Variants in VAV1 observed in about 807,000 individuals in gnomAD.
The protein encoded by VAV1 is vav guanine nucleotide exchange factor 1.
Under a neutral mutation model 128.1 loss-of-function variants are expected in VAV1, and 33 were observed. That is an observed-to-expected ratio of 0.26 (90% CI 0.20 to 0.34). VAV1 has a LOEUF of 0.34. VAV1 is among the 10% of genes least tolerant of loss of function. The probability of loss-of-function intolerance (pLI) is 1.00; values close to 1 mark genes in which losing one functional copy is unlikely to be tolerated. For missense variants in VAV1, 715 were observed against 1,093.7 expected (o/e 0.65, Z 4.88); for synonymous variants, 394 against 409.8 (o/e 0.96, Z 0.47).
At chr19:6,850,385 G>T (rs1972641878) in intron 23 of VAV1, among the ~76,000 whole-genome samples, 1 of 149,564 alleles carries the variant, frequency 6.7e-6, no homozygotes. Context: ...TGGAAGGGGA[G>T]GTCTCTTCGT....
chr19:6,821,329 A>G (rs955425335), intron 2 of VAV1, among the ~76,000 whole-genome samples: 8 of 152,214 alleles, frequency 5.3e-5, no homozygotes, highest in Admixed American at 5.2e-4. Context: ...TGAACCTGGG[A>G]GGTGGAGGTT....
intron 21 of VAV1, among the ~76,000 whole-genome samples, chr19:6,838,093 G>GTCTA (rs752424814): frequency 0.022 from 2,247 of 101,262 alleles, 23 homozygotes; most frequent in Middle Eastern, 0.061. Context: ...CTGTCTGTCT[G>GTCTA]TCTGTCTATC....
chr19:6,853,590 G>T (rs1207028037), intron 25 of VAV1, among the ~76,000 whole-genome samples: 1 of 151,802 alleles, frequency 6.6e-6, no homozygotes, highest in Non-Finnish European at 1.5e-5. Flanking sequence ...AATCAGCCGG[G>T]CATGGTGGCA....
chr19:6,838,317 ATC>A (rs1972277714), intron 21 of VAV1, among the ~76,000 whole-genome samples: 1 of 150,740 alleles, frequency 6.6e-6, no homozygotes, highest in African/African-American at 2.5e-5. Flanking sequence ...CTATCTATCT[ATC>A]TATCTATCTA....
In VAV1 at chr19:6,825,112, C is replaced by A. The variant is rs1479710313; in HGVS notation, c.714C>A (p.Ile238=). 1 of 1,612,474 alleles carries A rather than the reference C, an allele frequency of 6.2e-7. No homozygotes were observed. The highest frequency in any genetic ancestry group is 1.3e-5 in the African/African-American group (1 of 74,878). The part of the protein sequence containing the change: ...LKPQDIEIIF[I]NIEDLLRVHT... ...CTCAAGACATTGAGATCATCTTTAT[C>A]AACATTGAGGTGAGCCGGCCGATCC... The change falls in exon 7 of 27, where the codon ATC becomes ATA. Residue 238 remains isoleucine (I), a synonymous_variant. Coordinates refer to ENST00000602142, the MANE Select transcript of VAV1 (RefSeq NM_005428.4).
chr19:6,849,752 T>C (rs1224960183), intron 23 of VAV1, among the ~76,000 whole-genome samples: 1 of 152,210 alleles, frequency 6.6e-6, no homozygotes, highest in African/African-American at 2.4e-5. Flanking sequence ...GCTGCTGCAA[T>C]GCACATGATC....
chr19:6,836,321 C>CTT, intron 19 of VAV1, 111 bp from the exon 20 acceptor site: 1 of 1,357,866 alleles, frequency 7.4e-7, no homozygotes, highest in Non-Finnish European at 1.0e-6. Flanking sequence ...CTTGTCAACA[C>CTT]TTAGTATTGC....
In VAV1 at chr19:6,857,061, GGT is replaced by G. The variant is rs769699052; in HGVS notation, c.2493_2494del (p.Trp831CysfsTer12). The G allele has an allele frequency of 6.2e-7, 1 of 1,614,152 alleles. No homozygotes were observed. Among genetic ancestry groups the G allele is most frequent in the South Asian group, 1.1e-5 (1 of 91,082 alleles). The stretch of plus-strand genomic sequence containing the variant: ...CTCCTCGTCTGTTTCCAGGTTGGCT[GGT>G]TCCCTGCCAACTACGTGGAGGAAGA... On this transcript the variant is annotated frameshift_variant, in exon 27 of 27. Coordinates refer to ENST00000602142, the MANE Select transcript of VAV1 (RefSeq NM_005428.4). LOFTEE classifies it high-confidence loss of function.
At position 6,857,035 on chromosome 19, in the gene VAV1, ACTC is replaced by A. The variant is rs745581914; in HGVS notation, c.2485-15_2485-13del. The A allele has an allele frequency of 3.0e-5, 48 of 1,612,724 alleles. No individual in the cohort carries two copies. Among genetic ancestry groups the A allele is most frequent in the Non-Finnish European group, 4.0e-5 (47 of 1,179,278 alleles). Reference sequence around the variant, plus strand: ...GGATGTGCAGAGGTTGCACTGATGAACTCCTCGTCTGTTTCCAGGTTGGCTGGT... The same window carrying A: ...GGATGTGCAGAGGTTGCACTGATGAACTCGTCTGTTTCCAGGTTGGCTGGT... On this transcript the variant is annotated splice_polypyrimidine_tract_variant and intron_variant, in intron 26 of 26. Transcript: ENST00000602142.
chr19:6,817,942 T>A (rs1261842750), intron 1 of VAV1, among the ~76,000 whole-genome samples: 3 of 152,170 alleles, frequency 2.0e-5, no homozygotes. Flanking sequence ...CGCCTCGGCC[T>A]CCCAAAGTGC....
chr19:6,833,828 G>T (rs1414034131), intron 18 of VAV1, 80 bp from the exon 19 acceptor site: 1 of 1,613,638 alleles, frequency 6.2e-7, no homozygotes, highest in African/African-American at 1.3e-5. Flanking sequence ...AGGATCCTTT[G>T]TGGGGTGAGG....
rs74176206 is a variant in VAV1, at chr19:6,800,825, C to T, written c.205-19877C>T. Reference sequence around the variant, plus strand: ...GTGTGTGTGTGCAGTCGGGGTTTCACCATGTTGCCCAGGCTGGTCTTGAAC... The same window carrying T: ...GTGTGTGTGTGCAGTCGGGGTTTCATCATGTTGCCCAGGCTGGTCTTGAAC... On this transcript the variant is annotated intron_variant, in intron 1 of 26. Coordinates refer to ENST00000602142, the MANE Select transcript of VAV1 (RefSeq NM_005428.4). 1.4e-3 allele frequency among the ~76,000 whole-genome samples: 188 copies of T among 135,218 alleles called. 1 individual carries two copies. Among genetic ancestry groups the T allele is most frequent in the Non-Finnish European group, 2.6e-3 (159 of 60,652 alleles). The allele number at this position is 135,218 out of a possible 152,430, so 88.7% of individuals were successfully genotyped here.
chr19:6,792,015 G>C (rs184599075), intron 1 of VAV1, among the ~76,000 whole-genome samples: 2 of 152,072 alleles, frequency 1.3e-5, no homozygotes, highest in Admixed American at 6.6e-5. Flanking sequence ...AACTTAAGGG[G>C]GGGATGGGAA....
chr19:6,823,735 G>A (rs1410229572), intron 6 of VAV1, among the ~76,000 whole-genome samples: 1 of 151,654 alleles, frequency 6.6e-6, no homozygotes, highest in Non-Finnish European at 1.5e-5. Flanking sequence ...CTTTATCCCA[G>A]GCTCAGTCTT....
In VAV1 at chr19:6,820,661, C is replaced by T. The variant is rs17172907; in HGVS notation, c.205-41C>T. On this transcript the variant is annotated intron_variant, in intron 1 of 26. Coordinates refer to ENST00000602142, the MANE Select transcript of VAV1 (RefSeq NM_005428.4). The surrounding 1 kb of genome is among the most constrained non-coding windows in gnomAD (Gnocchi z 4.4). Reference sequence around the variant, plus strand: ...CCTGGGGGTCAGTTTCTCCCCTGCCCTTTCGTACTGCCCCACCCTCATTTC... The same window carrying T: ...CCTGGGGGTCAGTTTCTCCCCTGCCTTTTCGTACTGCCCCACCCTCATTTC... 852 of 1,591,452 alleles carry T rather than the reference C, an allele frequency of 5.4e-4. 13 individuals are homozygous for T. In the East Asian group the frequency reaches 0.017, roughly 32 times the overall value.
At chr19:6,856,758 A>G (rs1175742525) in intron 26 of VAV1, among the ~76,000 whole-genome samples, 1 of 150,662 alleles carries the variant, frequency 6.6e-6, no homozygotes, top group African/African-American at 2.5e-5. Context: ...AAAAGAAAAG[A>G]AAAAGAAAAG....
Position 6,833,559 on chromosome 19 carries a change from C to G in VAV1, c.1642C>G (p.Arg548Gly), listed in dbSNP as rs527259397. 6.2e-7 allele frequency: 1 copy of G among 1,611,228 alleles called. No homozygotes were observed. Among genetic ancestry groups the G allele is most frequent in the African/African-American group, 1.3e-5 (1 of 74,862 alleles). Reference sequence around the variant, plus strand: ...CTTCTATCAGGGCTACCGCTGCCATCGGTGCCGGGCATCTGCACACAAGGA... The same window carrying G: ...CTTCTATCAGGGCTACCGCTGCCATGGGTGCCGGGCATCTGCACACAAGGA... The part of the protein sequence containing the change: ...GTFYQGYRCH[R>G]CRASAHKECL... Residue 548 changes from arginine (R) to glycine (G), a missense_variant, in exon 17 of 27, where the codon CGG becomes GGG. By Grantham distance (125) the Arg-to-Gly change is moderately radical. Transcript: ENST00000602142.
At chr19:6,834,033 A>C in intron 19 of VAV1, 80 bp downstream of exon 19, 4 of 1,598,578 alleles carry the variant, frequency 2.5e-6, no homozygotes, top group Non-Finnish European at 3.4e-6. Context: ...AGATCTCCAT[A>C]ATCATATTAA....
At chr19:6,837,787 T>G (rs1972257761) in intron 21 of VAV1, among the ~76,000 whole-genome samples, 1 of 152,142 alleles carries the variant, frequency 6.6e-6, no homozygotes, top group Non-Finnish European at 1.5e-5. Flanking sequence ...TAAAAGTGAG[T>G]TTGCAGACGA....
Sources: gnomAD v4.1 joint callset for allele counts (sites outside exome capture counted in the v4.1 genomes callset) on GRCh38, gnomAD v4.1.1 for gene constraint, Gnocchi (gnomAD v3.1) non-coding constraint, MANE v1.5 for transcripts, NCBI Gene and HGNC (gene_info 2026-07-23, HGNC 2026-07-21) for gene names.